Variants in PCDHA1 observed in about 807,000 individuals in gnomAD.
PCDHA1 encodes the protein protocadherin alpha 1.
A neutral mutation model predicts 61.3 loss-of-function variants in PCDHA1; 42 were observed. The ratio of observed to expected loss-of-function variants is 0.69; its 90% confidence interval spans 0.54 to 0.89. The LOEUF (loss-of-function observed/expected upper bound fraction) is 0.89, where lower values mean the gene tolerates loss of function less well. PCDHA1 is among the 40% of genes least tolerant of loss of function. The pLI is 0.00. For missense variants in PCDHA1, 1,256 were observed against 1,235.3 expected, an observed-to-expected ratio of 1.02 and a Z score of -0.25; for synonymous variants, 610 against 553.8, an observed-to-expected ratio of 1.10 and a Z score of -1.43.
intron 1 of PCDHA1, among the ~76,000 whole-genome samples, chr5:140,955,368 G>C (rs1554221882): frequency 6.6e-6 from 1 of 152,122 alleles, no homozygotes; most frequent in Admixed American, 6.5e-5. Flanking sequence ...CCCAGTGGGA[G>C]GTAATTGAAT....
intron 1 of PCDHA1, chr5:140,841,829 T>G: frequency 6.2e-7 from 1 of 1,613,898 alleles, no homozygotes; most frequent in Non-Finnish European, 8.5e-7. Context: ...CGTGTTAACC[T>G]ACAGGCTTAG....
In PCDHA1 at chr5:140,875,510, G is replaced by T. The variant is rs186070067; in HGVS notation, c.2394+86826G>T. The stretch of plus-strand genomic sequence containing the variant: ...GGACCAAGAGGCCCGGGATCCCAGC[G>T]TCTGCTGCTCTCGCTTCTGCTCCTT... On this transcript the variant is annotated intron_variant, in intron 1 of 3. Transcript: ENST00000504120. 1.2e-5 allele frequency: 19 copies of T among 1,613,812 alleles called. No homozygotes were observed. Among genetic ancestry groups the T allele is most frequent in the Non-Finnish European group, 1.6e-5 (19 of 1,179,784 alleles).
intron 1 of PCDHA1, among the ~76,000 whole-genome samples, chr5:140,911,327 C>T (rs2153517846): frequency 6.6e-6 from 1 of 152,324 alleles, no homozygotes; most frequent in South Asian, 2.1e-4. Context: ...GGATCCCATT[C>T]TTTTCCAATC....
At chr5:140,813,278 A>G (rs1241889350) in intron 1 of PCDHA1, 1 of 152,206 alleles carries the variant, frequency 6.6e-6, no homozygotes, top group African/African-American at 2.4e-5. Flanking sequence ...ACATTCTGAG[A>G]ATTGTATCAT....
intron 1 of PCDHA1, among the ~76,000 whole-genome samples, chr5:140,893,957 G>T (rs1308768731): frequency 1.3e-5 from 2 of 152,100 alleles, no homozygotes; most frequent in African/African-American, 4.8e-5. Context: ...GACTTTATTA[G>T]TCATTAGATA....
At position 140,809,049 on chromosome 5, in the gene PCDHA1, C is replaced by T. The variant is rs782208317; in HGVS notation, c.2394+20365C>T. On this transcript the variant is annotated intron_variant, in intron 1 of 3. Coordinates refer to ENST00000504120, the MANE Select transcript of PCDHA1 (RefSeq NM_018900.4). The stretch of plus-strand genomic sequence containing the variant: ...CCGGGGACTGGTGGCGCGCGCATCC[C>T]GTTCCGCGTGGGGCTGTACACTGGC... 8.1e-6 allele frequency: 13 copies of T among 1,613,752 alleles called. No individual in the cohort carries two copies. Among genetic ancestry groups the T allele is most frequent in the Middle Eastern group, 1.6e-4 (1 of 6,084 alleles).
In PCDHA1 at chr5:140,795,358, A is replaced by G. The variant is rs1554119393; in HGVS notation, c.2394+6674A>G. 1.9e-6 allele frequency: 3 copies of G among 1,614,218 alleles called. No homozygotes were observed. In the East Asian group the frequency reaches 6.7e-5, roughly 36 times the overall value. ...GAAGGACATTAACGACAACCCGCCA[A>G]TATTTCCAATGACAGTAAAGACTAT... On this transcript the variant is annotated intron_variant, in intron 1 of 3. Transcript: ENST00000504120.
chr5:140,987,747 T>G (rs1336636332), intron 3 of PCDHA1, among the ~76,000 whole-genome samples: 1 of 152,178 alleles, frequency 6.6e-6, no homozygotes. Context: ...TAGACCCAGG[T>G]TGTTCTGAGT....
chr5:140,830,379 G>A (rs2150185796), intron 1 of PCDHA1: 3 of 1,614,156 alleles, frequency 1.9e-6, no homozygotes, highest in Non-Finnish European at 1.7e-6. Flanking sequence ...TCCGGGGAGG[G>A]CCCACCCAAG....
At chr5:140,848,673 G>A (rs2150416689) in intron 1 of PCDHA1, 2 of 1,592,332 alleles carry the variant, frequency 1.3e-6, no homozygotes, top group Non-Finnish European at 1.7e-6. Context: ...GGCGGAGCTG[G>A]TGCCGCGCCT....
chr5:140,947,083 A>T (rs1268359945), intron 1 of PCDHA1, among the ~76,000 whole-genome samples: 1 of 151,728 alleles, frequency 6.6e-6, no homozygotes, highest in African/African-American at 2.4e-5. Context: ...TTGAAACATC[A>T]GACTGTAGCC....
chr5:140,801,818 G>T, intron 1 of PCDHA1: 3 of 1,614,078 alleles, frequency 1.9e-6, no homozygotes, highest in Non-Finnish European at 2.5e-6. Flanking sequence ...ACACTCCTAA[G>T]CATTATTTAC....
chr5:140,941,202 C>CTTTCTGTCTTTCTTT (rs1554213921), intron 1 of PCDHA1, among the ~76,000 whole-genome samples: 1 of 122,742 alleles, frequency 8.1e-6, no homozygotes, highest in African/African-American at 3.0e-5. Context: ...TTTCTTTCTT[C>CTTTCTGTCTTTCTTT]CTTTCTTTCT....
intron 3 of PCDHA1, among the ~76,000 whole-genome samples, chr5:140,995,493 G>T (rs1427672474): frequency 6.6e-6 from 1 of 152,148 alleles, no homozygotes; most frequent in Non-Finnish European, 1.5e-5. Flanking sequence ...TCAGACTAAG[G>T]TTGACTGTGG....
At chr5:140,824,286 AG>A in intron 1 of PCDHA1, 1 of 1,021,950 alleles carries the variant, frequency 9.8e-7, no homozygotes, top group East Asian at 2.4e-5. Flanking sequence ...GCTTTTTATG[AG>A]GCTTTTCTGC....
chr5:140,802,712 G>A, intron 1 of PCDHA1: 2 of 1,612,524 alleles, frequency 1.2e-6, no homozygotes, highest in Non-Finnish European at 1.7e-6. Context: ...GCGCGCTGTC[G>A]AGCTACGTGT....
At chr5:140,822,662 C>A in intron 1 of PCDHA1, 1 of 1,608,488 alleles carries the variant, frequency 6.2e-7, no homozygotes, top group Non-Finnish European at 8.5e-7. Flanking sequence ...ATAATTAATT[C>A]TAATACTGGT....
chr5:140,995,543 G>A (rs1243799532), intron 3 of PCDHA1, among the ~76,000 whole-genome samples: 1 of 152,144 alleles, frequency 6.6e-6, no homozygotes, highest in Non-Finnish European at 1.5e-5. Context: ...AATAAGGGGC[G>A]ATCACTGTAC....
chr5:140,965,275 C>T (rs1280046381), intron 1 of PCDHA1, among the ~76,000 whole-genome samples: 7 of 152,158 alleles, frequency 4.6e-5, no homozygotes, highest in Non-Finnish European at 1.0e-4. Context: ...GGCAATGACA[C>T]AGCATGGAAA....
Sources: allele counts gnomAD v4.1 joint callset (sites outside exome capture counted in the v4.1 genomes callset), GRCh38; gene constraint gnomAD v4.1.1; transcripts MANE v1.5; gene names NCBI Gene and HGNC (gene_info 2026-07-23, HGNC 2026-07-21).